NEK9: variants seen among roughly 807,000 people sequenced by gnomAD.
NEK9 encodes serine/threonine-protein kinase Nek9.
Under a neutral mutation model 123.4 loss-of-function variants are expected in NEK9, and 75 were observed. The ratio of observed to expected loss-of-function variants is 0.61; its 90% confidence interval spans 0.50 to 0.74. NEK9 has a LOEUF of 0.74. NEK9 is among the 30% of genes least tolerant of loss of function. NEK9 has a pLI of 0.00. For synonymous variants in NEK9, 438 were observed against 458.7 expected (o/e 0.95, Z 0.58); for missense variants, 952 against 1,214.4 (o/e 0.78, Z 3.21).
chr14:75,112,807 T>C (rs911015247), intron 8 of NEK9, among the ~76,000 whole-genome samples: 7 of 151,828 alleles, frequency 4.6e-5, no homozygotes, highest in Non-Finnish European at 1.0e-4. Context: ...GGTGACAGAG[T>C]GAGACTCTGT....
At position 75,079,935 on chromosome 14, in the gene NEK9, G is replaced by T. The variant is rs1893820420; in HGVS notation, c.*4629C>A. Reference sequence around the variant, plus strand: ...ATATGTGGGGAGTGCTTTCTAAAAAGGAAGCAGTTGTTTGCTCTCATTTTG... The same window carrying T: ...ATATGTGGGGAGTGCTTTCTAAAAATGAAGCAGTTGTTTGCTCTCATTTTG... On this transcript the variant is annotated 3_prime_UTR_variant, in exon 22 of 22. Coordinates refer to ENST00000238616, the MANE Select transcript of NEK9 (RefSeq NM_033116.6). 1 of 152,188 alleles carries T rather than the reference G, an allele frequency of 6.6e-6. No homozygotes were observed. Among genetic ancestry groups the T allele is most frequent in the African/African-American group, 2.4e-5 (1 of 41,442 alleles). The allele number at this position is 152,188 out of a possible 1,614,324, so 9.4% of individuals were successfully genotyped here.
intron 16 of NEK9, among the ~76,000 whole-genome samples, chr14:75,100,128 CAAAAAAAAAAAAAAAAA>C (rs71119346): frequency 9.6e-4 from 15 of 15,626 alleles, no homozygotes; most frequent in South Asian, 5.1e-3. Flanking sequence ...GACTCCATCT[CAAAAAAAAAAAAAAAAA>C]AAAAAAAAAA....
chr14:75,079,988 C>T lies in NEK9; in HGVS notation c.*4576G>A, dbSNP rs989472143. ...AAAGAAATAAAACAATAGTCAATGC[C>T]TTAAGTGTTCCCTTTAATCTCTACA... On this transcript the variant is annotated 3_prime_UTR_variant, in exon 22 of 22. Coordinates refer to ENST00000238616, the MANE Select transcript of NEK9 (RefSeq NM_033116.6). The T allele has an allele frequency of 6.6e-6, 1 of 152,206 alleles. No homozygotes were observed. The highest frequency in any genetic ancestry group is 2.1e-4 in the South Asian group (1 of 4,828). The allele number at this position is 152,206 out of a possible 1,614,324, so 9.4% of individuals were successfully genotyped here. A position where few individuals can be genotyped will look rare whatever the true frequency, so the allele number is the denominator to read the frequency against.
chr14:75,097,761 G>A (rs1194956872), intron 16 of NEK9, among the ~76,000 whole-genome samples: 1 of 152,204 alleles, frequency 6.6e-6, no homozygotes, highest in African/African-American at 2.4e-5. Context: ...CATTATTTTA[G>A]ATAGGGTAGG....
chr14:75,117,119 T>C, intron 6 of NEK9, 76 bp downstream of exon 6: 1 of 1,472,998 alleles, frequency 6.8e-7, no homozygotes, highest in Non-Finnish European at 9.1e-7. Context: ...AGCCTGGGAA[T>C]AGAGTTGATC....
chr14:75,087,096 T>C lies in NEK9; in HGVS notation c.2739A>G (p.Gln913=). 6.2e-7 allele frequency: 1 copy of C among 1,614,184 alleles called. No homozygotes were observed. Among genetic ancestry groups the C allele is most frequent in the Non-Finnish European group, 8.5e-7 (1 of 1,180,022 alleles). ...GGAGGTTTTCTTGCTGTAGCTTCTGTTGTTCAGCCAGACACTTTAACACCA... is the reference window on the plus strand; with the variant it reads ...GGAGGTTTTCTTGCTGTAGCTTCTGCTGTTCAGCCAGACACTTTAACACCA... ...QGLVLKCLAE[Q]QKLQQENLQI... Residue 913 remains glutamine, a synonymous_variant, in exon 21 of 22, where the codon CAA becomes CAG. Transcript: ENST00000238616.
intron 21 of NEK9, among the ~76,000 whole-genome samples, chr14:75,085,973 G>A (rs1251350373): frequency 3.3e-5 from 5 of 151,914 alleles, no homozygotes; most frequent in East Asian, 1.9e-4. Context: ...GGTGGATCAC[G>A]AGGTCAGGAG....
intron 17 of NEK9, 129 bp downstream of exon 17, chr14:75,096,971 A>AC: frequency 1.4e-6 from 1 of 729,716 alleles, no homozygotes; most frequent in Non-Finnish European, 2.1e-6. Context: ...GGCATCCTTG[A>AC]CCATTACAAG....
chr14:75,094,905 TAGAG>T lies in NEK9; in HGVS notation c.2233+463_2233+466del, dbSNP rs769718483. ...AATTTCCTAGCATGGTCCCCAATAA[TAGAG>T]AACCATGAAGACAGCAGTCAAAGGA... On this transcript the variant is annotated intron_variant, in intron 18 of 21. Transcript: ENST00000238616. 4.6e-5 allele frequency among the ~76,000 whole-genome samples: 7 copies of T among 152,192 alleles called. No homozygotes were observed. In the East Asian group the frequency reaches 1.4e-3, roughly 29 times the overall value.
In NEK9 at chr14:75,107,013, T is replaced by C. The variant is rs74535789; in HGVS notation, c.1328-311A>G. On this transcript the variant is annotated intron_variant, in intron 11 of 21. Transcript: ENST00000238616. ...TCCCAAGGAATCATTAACTAAGTAA[T>C]GACAAGACCAAAACTAAACTTAGGT... Among the ~76,000 whole-genome samples, 373 of 152,238 alleles carry C rather than the reference T, an allele frequency of 2.5e-3. 1 individual carries two copies. Among genetic ancestry groups the C allele is most frequent in the Middle Eastern group, 0.01 (3 of 294 alleles).
Position 75,124,284 on chromosome 14 carries a change from C to T in NEK9, c.220-61G>A, listed in dbSNP as rs1594855743. The stretch of plus-strand genomic sequence containing the variant: ...TTGCCTGGCAGCAAATGAATCCACA[C>T]CTAGATCTGTAAGCCTAGAAGGAAA... On this transcript the variant is annotated intron_variant, in intron 1 of 21. Transcript: ENST00000238616. 6 of 1,497,258 alleles carry T rather than the reference C, an allele frequency of 4.0e-6. No individual in the cohort carries two copies. In the East Asian group the frequency reaches 1.1e-4, roughly 28 times the overall value. The allele number at this position is 1,497,258 out of a possible 1,614,324, so 92.7% of individuals were successfully genotyped here. A position where few individuals can be genotyped will look rare whatever the true frequency, so the allele number is the denominator to read the frequency against.
chr14:75,082,448 C>G lies in NEK9; in HGVS notation c.*2116G>C, dbSNP rs991753769. The G allele has an allele frequency of 6.6e-6, 1 of 152,296 alleles. No homozygotes were observed. Among genetic ancestry groups the G allele is most frequent in the African/African-American group, 2.4e-5 (1 of 41,440 alleles). 9.4% of individuals were successfully genotyped at this position (152,296 alleles called of 1,614,324 possible). The stretch of plus-strand genomic sequence containing the variant: ...TTTGGTGGGAAAAAAAATCATATGG[C>G]TGTCCCAGGCACAATATGGGAAAGT... On this transcript the variant is annotated 3_prime_UTR_variant, in exon 22 of 22. Coordinates refer to ENST00000238616, the MANE Select transcript of NEK9 (RefSeq NM_033116.6).
chr14:75,087,792 CT>C (rs1370228296), intron 20 of NEK9, among the ~76,000 whole-genome samples: 1 of 152,152 alleles, frequency 6.6e-6, no homozygotes, highest in Non-Finnish European at 1.5e-5. Context: ...TTCTACTGTA[CT>C]TTTTTTATAG....
chr14:75,094,191 A>T (rs993565460), intron 18 of NEK9, among the ~76,000 whole-genome samples: 1 of 152,238 alleles, frequency 6.6e-6, no homozygotes, highest in Non-Finnish European at 1.5e-5. Flanking sequence ...GTCAGTGTAT[A>T]TGTGTAAACT....
rs1320511409 is a variant in NEK9, at chr14:75,080,243, T to A, written c.*4321A>T. 1 of 151,868 alleles carries A rather than the reference T, an allele frequency of 6.6e-6. No individual in the cohort carries two copies. The highest frequency in any genetic ancestry group is 2.1e-4 in the South Asian group (1 of 4,816). The allele number at this position is 151,868 out of a possible 1,614,324, so 9.4% of individuals were successfully genotyped here. ...TACTCGGGAGGCTGAGGCAGGAGAA[T>A]TGCTTGAACCCAGGAGGCAGAGGTT... On this transcript the variant is annotated 3_prime_UTR_variant, in exon 22 of 22. Transcript: ENST00000238616.
At position 75,118,892 on chromosome 14, in the gene NEK9, T is replaced by A. The variant is rs752075381; in HGVS notation, c.568A>T (p.Ile190Leu). The A allele has an allele frequency of 1.2e-5, 20 of 1,610,544 alleles. 2 individuals carry two copies. The South Asian group carries it at 2.1e-4, about 17-fold the overall frequency. Residue 190 changes from isoleucine to leucine, a missense_variant, in exon 5 of 22, where the codon ATA (isoleucine) becomes TTA (leucine). Around this residue, in one of 4 missense-constraint regions of NEK9, gnomAD observed 106 missense variants for 153.0 expected, o/e 0.69. Coordinates refer to ENST00000238616, the MANE Select transcript of NEK9 (RefSeq NM_033116.6). The part of the protein sequence containing the change: ...LNIFLTKANL[I>L]KLGDYGLAKK... ...GCTAGGCCATAATCTCCAAGTTTTA[T>A]CAGGTTTGCCTTGGTCAGAAAAATA...
At chr14:75,084,740 A>G in intron 21 of NEK9, 54 bp from the exon 22 acceptor site, 1 of 1,609,518 alleles carries the variant, frequency 6.2e-7, no homozygotes, top group South Asian at 1.1e-5. Flanking sequence ...TAGTCACAGA[A>G]GTAGTTCAGT....
At chr14:75,088,742 C>G (rs1894109075) in intron 19 of NEK9, 101 bp from the exon 20 acceptor site, 1 of 1,094,568 alleles carries the variant, frequency 9.1e-7, no homozygotes, top group Admixed American at 2.2e-5. Flanking sequence ...ATGACTTCAG[C>G]ACCCTCTAGT....
intron 4 of NEK9, among the ~76,000 whole-genome samples, chr14:75,119,334 C>CA (rs1439310681): frequency 1.3e-5 from 2 of 151,798 alleles, no homozygotes; most frequent in African/African-American, 4.8e-5. Flanking sequence ...CAAAATAAAA[C>CA]AAAAAAAGAG....
Sources: allele counts gnomAD v4.1 joint callset (sites outside exome capture counted in the v4.1 genomes callset), GRCh38; gene constraint gnomAD v4.1.1; regional missense constraint gnomAD v4.1.1; transcripts MANE v1.5; gene names NCBI Gene and HGNC (gene_info 2026-07-23, HGNC 2026-07-21).